The following LRRC1 variants were observed in gnomAD, a reference collection of about 807,000 sequenced individuals.
LRRC1 encodes the protein leucine rich repeat containing 1.
LRRC1 carries 28 observed loss-of-function variants against 69.9 expected under a neutral mutation model. That is an observed-to-expected ratio of 0.40 (90% CI 0.30 to 0.55). LRRC1 has a LOEUF of 0.55. Among genes scored for constraint, LRRC1 ranks in the 20% least tolerant of loss-of-function variants. The pLI is 0.47. For missense variants in LRRC1, 498 were observed against 609.0 expected, an observed-to-expected ratio of 0.82 and a Z score of 1.92; for synonymous variants, 236 against 240.2, an observed-to-expected ratio of 0.98 and a Z score of 0.16.
chr6:53,806,031 C>G (rs897851153), intron 1 of LRRC1, among the ~76,000 whole-genome samples: 1 of 152,138 alleles, frequency 6.6e-6, no homozygotes, highest in Non-Finnish European at 1.5e-5. Flanking sequence ...TTTTGTAGTT[C>G]CGCCTGTGGT....
intron 4 of LRRC1, among the ~76,000 whole-genome samples, chr6:53,893,993 TTAAAA>T (rs986505365): frequency 7.2e-5 from 11 of 152,326 alleles, no homozygotes; most frequent in Non-Finnish European, 1.3e-4. Context: ...TATCACATTC[TTAAAA>T]TAAAATCAAA....
intron 2 of LRRC1, among the ~76,000 whole-genome samples, chr6:53,858,051 C>T (rs931374501): frequency 3.9e-5 from 6 of 152,096 alleles, no homozygotes; most frequent in Admixed American, 3.9e-4. Context: ...CAAGGCAGAC[C>T]CAGTAGGCAA....
chr6:53,856,818 T>G (rs1766323932), intron 2 of LRRC1, among the ~76,000 whole-genome samples: 1 of 152,148 alleles, frequency 6.6e-6, no homozygotes, highest in Non-Finnish European at 1.5e-5. Context: ...AAGGACAGCC[T>G]GGATGTGGGA....
At chr6:53,802,468 C>G (rs1205666198) in intron 1 of LRRC1, among the ~76,000 whole-genome samples, 1 of 152,146 alleles carries the variant, frequency 6.6e-6, no homozygotes, top group East Asian at 1.9e-4. Flanking sequence ...ACGCCAAATA[C>G]AAAGCATTGT....
chr6:53,831,811 G>A (rs1422958440), intron 1 of LRRC1, among the ~76,000 whole-genome samples: 1 of 152,108 alleles, frequency 6.6e-6, no homozygotes, highest in Non-Finnish European at 1.5e-5. Flanking sequence ...CTTGCTTGCT[G>A]TCCAGAAACA....
At chr6:53,910,915 T>TC (rs1479763355) in intron 10 of LRRC1, among the ~76,000 whole-genome samples, 10 of 152,234 alleles carry the variant, frequency 6.6e-5, no homozygotes, top group Admixed American at 3.3e-4. Context: ...GGTTGTGCCA[T>TC]CCCTTCCTGG....
In LRRC1 at chr6:53,814,960, C is replaced by T. The variant is rs78266121; in HGVS notation, c.159+19545C>T. Among the ~76,000 whole-genome samples the T allele has an allele frequency of 2.0e-3, 305 of 152,282 alleles. 4 individuals are homozygous for T. In the East Asian group the frequency reaches 0.041, roughly 21 times the overall value. On this transcript the variant is annotated intron_variant, in intron 1 of 13. Transcript: ENST00000370888. ...CAACATGCATGTAAACCAGGCTCACCGCCGAGCCTCTTGTGTATAAGGAAC... is the reference window on the plus strand; with the variant it reads ...CAACATGCATGTAAACCAGGCTCACTGCCGAGCCTCTTGTGTATAAGGAAC...
chr6:53,913,823 G>GA (rs756643423), intron 10 of LRRC1, 31 bp from the exon 11 acceptor site: 7 of 1,505,024 alleles, frequency 4.7e-6, no homozygotes, highest in South Asian at 2.3e-5. Context: ...TAGAAAACTG[G>GA]AAAAAAGATG....
At chr6:53,884,519 C>T (rs192204149) in intron 4 of LRRC1, among the ~76,000 whole-genome samples, 5 of 151,890 alleles carry the variant, frequency 3.3e-5, no homozygotes, top group Non-Finnish European at 7.4e-5. Context: ...CTTTGCCCCC[C>T]CTACACAAAA....
At chr6:53,853,310 A>T (rs1766201765) in intron 2 of LRRC1, among the ~76,000 whole-genome samples, 1 of 145,434 alleles carries the variant, frequency 6.9e-6, no homozygotes, top group South Asian at 2.2e-4. Context: ...TTTGAGACGA[A>T]GTTTCGCTCT....
chr6:53,815,563 C>G (rs992887692), intron 1 of LRRC1, among the ~76,000 whole-genome samples: 7 of 152,188 alleles, frequency 4.6e-5, no homozygotes, highest in Admixed American at 3.3e-4. Flanking sequence ...GTCCAGTCCT[C>G]TCCTCTTAGC....
intron 2 of LRRC1, among the ~76,000 whole-genome samples, chr6:53,856,208 A>G (rs1766303947): frequency 6.6e-6 from 1 of 152,250 alleles, no homozygotes; most frequent in African/African-American, 2.4e-5. Flanking sequence ...ACGTAGGGAC[A>G]GGAACGAATT....
rs76876913 is a variant in LRRC1 at position 53,909,946 on chromosome 6, G to A, written c.991-3908G>A. ...GCATTTAAAAAATGGAAGATAAACA[G>A]ACGTGACTAACATAGGCTCCCTTTT... is the stretch of plus-strand genomic sequence containing the variant. On this transcript the variant is annotated intron_variant, in intron 10 of 13. Coordinates refer to ENST00000370888, the MANE Select transcript of LRRC1 (RefSeq NM_018214.5). Among the ~76,000 whole-genome samples, 478 of 152,274 alleles carry A rather than the reference G, an allele frequency of 3.1e-3. 7 individuals carry two copies. The East Asian group carries it at 0.041, about 13-fold the overall frequency.
chr6:53,887,224 C>T (rs1767516366), intron 4 of LRRC1, among the ~76,000 whole-genome samples: 1 of 151,998 alleles, frequency 6.6e-6, no homozygotes, highest in Non-Finnish European at 1.5e-5. Flanking sequence ...TAAAACCTTC[C>T]AAGAAAAAAT....
chr6:53,879,909 G>A (rs1323339728), intron 3 of LRRC1, among the ~76,000 whole-genome samples: 2 of 152,130 alleles, frequency 1.3e-5, no homozygotes, highest in African/African-American at 2.4e-5. Context: ...TTGTGCCCAC[G>A]TGCAATGCAG....
chr6:53,921,674 G>A (rs1432412773), intron 13 of LRRC1, among the ~76,000 whole-genome samples: 7 of 152,168 alleles, frequency 4.6e-5, no homozygotes, highest in African/African-American at 1.4e-4. Flanking sequence ...TAAATTCCTT[G>A]AACTAATTGA....
At chr6:53,842,318 G>A in intron 2 of LRRC1, 91 bp downstream of exon 2, 2 of 830,088 alleles carry the variant, frequency 2.4e-6, no homozygotes, top group Non-Finnish European at 4.0e-6. Context: ...AACATGCGGT[G>A]TTTGGTTTTT....
At position 53,868,094 on chromosome 6, in the gene LRRC1, A is replaced by G. The variant is rs548788349; in HGVS notation, c.278-10899A>G. Among the ~76,000 whole-genome samples, 11 of 152,282 alleles carry G rather than the reference A, an allele frequency of 7.2e-5. No individual in the cohort carries two copies. The East Asian group carries it at 1.3e-3, about 19-fold the overall frequency. ...AGTACTAAGTATTAGTATACTAACTATATAATAATAAGTATTTCTAGTACT... is the reference window on the plus strand; with the variant it reads ...AGTACTAAGTATTAGTATACTAACTGTATAATAATAAGTATTTCTAGTACT... On this transcript the variant is annotated intron_variant, in intron 2 of 13. Transcript: ENST00000370888.
intron 4 of LRRC1, 58 bp downstream of exon 4, chr6:53,883,034 C>A: frequency 2.0e-6 from 2 of 994,564 alleles, no homozygotes; most frequent in South Asian, 1.5e-5. Context: ...ATATCATCAG[C>A]TCTAGCCTCC....
Sources: allele counts gnomAD v4.1 joint callset (sites outside exome capture counted in the v4.1 genomes callset), GRCh38; gene constraint gnomAD v4.1.1; transcripts MANE v1.5; gene names NCBI Gene and HGNC (gene_info 2026-07-23, HGNC 2026-07-21).